MYO9A: variants seen among roughly 807,000 people sequenced by gnomAD.
MYO9A encodes the protein unconventional myosin-IXa.
A neutral mutation model predicts 293.3 loss-of-function variants in MYO9A; 103 were observed. The observed-to-expected ratio is 0.35, with a 90% confidence interval of 0.30 to 0.41. The LOEUF (loss-of-function observed/expected upper bound fraction) is 0.41, where lower values mean the gene tolerates loss of function less well. Among genes scored for constraint, MYO9A ranks in the 10% least tolerant of loss-of-function variants. MYO9A has a pLI of 1.00. For synonymous variants in MYO9A, 1,001 were observed against 1,035.7 expected (o/e 0.97, Z 0.64); for missense variants, 2,685 against 3,033.0 (o/e 0.89, Z 2.69).
At position 72,005,682 on chromosome 15, in the gene MYO9A, C is replaced by A. The variant is rs186183815; in HGVS notation, c.1380+2144G>T. ...TCCACTGAAGTTAATAAGCAATGCC[C>A]AATCACGTACAGAAAAAATAAACGC... On this transcript the variant is annotated intron_variant, in intron 8 of 41. Coordinates refer to ENST00000356056, the MANE Select transcript of MYO9A (RefSeq NM_006901.4). Among the ~76,000 whole-genome samples, 1,101 of 152,194 alleles carry A rather than the reference C, an allele frequency of 7.2e-3. 14 individuals carry two copies. Among genetic ancestry groups the A allele is most frequent in the Admixed American group, 9.3e-3 (142 of 15,280 alleles).
chr15:72,098,035 T>A (rs888754764), intron 1 of MYO9A, among the ~76,000 whole-genome samples: 2 of 151,940 alleles, frequency 1.3e-5, no homozygotes, highest in African/African-American at 4.8e-5. Context: ...AAAAGATGAG[T>A]GGGCATAACA....
intron 30 of MYO9A, among the ~76,000 whole-genome samples, chr15:71,879,015 A>G (rs537634769): frequency 6.0e-4 from 91 of 152,244 alleles, no homozygotes; most frequent in South Asian, 1.5e-3. Flanking sequence ...TCAGCCACCC[A>G]AAGTGCTGGG....
chr15:72,109,749 T>G (rs913078726), intron 1 of MYO9A, among the ~76,000 whole-genome samples: 1 of 151,342 alleles, frequency 6.6e-6, no homozygotes, highest in Non-Finnish European at 1.5e-5. Context: ...ATTAGCTGAG[T>G]GTGGTGGCAC....
intron 1 of MYO9A, among the ~76,000 whole-genome samples, chr15:72,069,582 T>C (rs1474355534): frequency 6.6e-6 from 1 of 152,112 alleles, no homozygotes; most frequent in African/African-American, 2.4e-5. Flanking sequence ...AATTAAATAA[T>C]TTGTGACAAA....
chr15:72,073,599 G>A (rs1451562093), intron 1 of MYO9A, among the ~76,000 whole-genome samples: 1 of 152,112 alleles, frequency 6.6e-6, no homozygotes. Flanking sequence ...GTTTAACAAT[G>A]GTTCAACATG....
intron 32 of MYO9A, among the ~76,000 whole-genome samples, chr15:71,872,672 A>G (rs1463802343): frequency 2.6e-5 from 4 of 152,158 alleles, no homozygotes; most frequent in East Asian, 1.9e-4. Flanking sequence ...ACAAAGCAAA[A>G]TAAGTCTTTT....
chr15:71,826,640 G>T lies in MYO9A; in HGVS notation c.7587C>A (p.Asp2529Glu). The T allele has an allele frequency of 6.2e-7, 1 of 1,612,988 alleles. No homozygotes were observed. The highest frequency in any genetic ancestry group is 8.5e-7 in the Non-Finnish European group (1 of 1,179,778). ...GCTGTTGGTTGGAGGTGCAGTCTGG[G>T]TCCACAGTTTTTCTGCGGCCAGACA... The part of the protein sequence containing the change: ...TVMSGRRKTV[D>E]PDCTSNQQLA... The change falls in exon 42 of 42, where the codon GAC becomes GAA. Residue 2529 changes from aspartate (D) to glutamate (E), a missense_variant. Around this residue, in one of 10 missense-constraint regions of MYO9A, gnomAD observed 350 missense variants for 328.9 expected, o/e 1.06. Transcript: ENST00000356056.
chr15:72,020,552 G>A (rs1177923237), intron 5 of MYO9A, among the ~76,000 whole-genome samples: 1 of 152,142 alleles, frequency 6.6e-6, no homozygotes, highest in Non-Finnish European at 1.5e-5. Flanking sequence ...GTAATCCCTT[G>A]CAAAGGACAA....
intron 1 of MYO9A, among the ~76,000 whole-genome samples, chr15:72,072,713 G>A (rs1363150200): frequency 3.3e-5 from 5 of 152,070 alleles, no homozygotes; most frequent in African/African-American, 9.7e-5. Flanking sequence ...GGGTATAGAT[G>A]GACATAAGGA....
chr15:71,840,557 C>T (rs935669685), intron 39 of MYO9A, among the ~76,000 whole-genome samples: 3 of 152,194 alleles, frequency 2.0e-5, no homozygotes, highest in Non-Finnish European at 2.9e-5. Flanking sequence ...AGAACTGACA[C>T]CATTACAAAA....
chr15:72,041,364 T>C lies in MYO9A; in HGVS notation c.840+4360A>G, dbSNP rs878913529. On this transcript the variant is annotated intron_variant, in intron 2 of 41. Transcript: ENST00000356056. ...TTCTGTCGGCAGGGAAAGGCAACTA[T>C]CTTGAATGCATATCAGTTGATAATC... 23 of 525,270 alleles carry C rather than the reference T, an allele frequency of 4.4e-5. 1 individual carries two copies. Among genetic ancestry groups the C allele is most frequent in the Non-Finnish European group, 7.5e-5 (20 of 265,434 alleles). The allele number at this position is 525,270 out of a possible 1,614,324, so 32.5% of individuals were successfully genotyped here.
chr15:71,912,635 C>CCAA (rs2057893397), intron 19 of MYO9A, among the ~76,000 whole-genome samples: 1 of 152,176 alleles, frequency 6.6e-6, no homozygotes, highest in Non-Finnish European at 1.5e-5. Context: ...TTCAAACTTC[C>CCAA]ATGTGGTTTT....
At chr15:72,075,027 C>T (rs1455743723) in intron 1 of MYO9A, among the ~76,000 whole-genome samples, 9 of 131,992 alleles carry the variant, frequency 6.8e-5, no homozygotes, top group Admixed American at 2.8e-4. Flanking sequence ...TGCAATGGCA[C>T]GATCTCAGCT....
intron 11 of MYO9A, among the ~76,000 whole-genome samples, chr15:71,987,048 T>A: frequency 6.6e-6 from 1 of 152,180 alleles, no homozygotes. Context: ...TATGTTTAGA[T>A]ACATTTAGAT....
intron 2 of MYO9A, among the ~76,000 whole-genome samples, chr15:72,041,877 TAAA>T (rs757220384): frequency 7.3e-6 from 1 of 136,394 alleles, no homozygotes. Flanking sequence ...CAAAGCTTAC[TAAA>T]AAAAAAAAAA....
At chr15:72,013,115 A>G (rs2077222889) in intron 6 of MYO9A, among the ~76,000 whole-genome samples, 1 of 152,226 alleles carries the variant, frequency 6.6e-6, no homozygotes, top group Admixed American at 6.5e-5. Flanking sequence ...CAAGAGTCAA[A>G]TACAAGTCAC....
In MYO9A at chr15:71,906,857, G is replaced by A. The variant is rs140264361; in HGVS notation, c.2686-1851C>T. ...CGGCCTACTGCAAGCTCTGCCTCCC[G>A]GGTTCACGCCATTCTCCTGCCTCAG... On this transcript the variant is annotated intron_variant, in intron 19 of 41. Transcript: ENST00000356056. 1.8e-4 allele frequency among the ~76,000 whole-genome samples: 26 copies of A among 143,630 alleles called. 1 individual carries two copies. In the South Asian group the frequency reaches 5.5e-3, roughly 30 times the overall value. 94.2% of individuals were successfully genotyped at this position (143,630 alleles called of 152,430 possible).
intron 6 of MYO9A, among the ~76,000 whole-genome samples, chr15:72,010,881 A>T (rs191394223): frequency 1.5e-3 from 233 of 152,368 alleles, no homozygotes; most frequent in South Asian, 0.014. Context: ...AAGGCACTGA[A>T]CTAGATATTA....
chr15:71,940,324 A>G (rs2146089893), intron 15 of MYO9A, among the ~76,000 whole-genome samples: 1 of 152,142 alleles, frequency 6.6e-6, no homozygotes, highest in African/African-American at 2.4e-5. Context: ...CTGAAACCCC[A>G]CCTCTATAAA....
Sources: allele counts gnomAD v4.1 joint callset (sites outside exome capture counted in the v4.1 genomes callset), GRCh38; gene constraint gnomAD v4.1.1; regional missense constraint gnomAD v4.1.1; transcripts MANE v1.5; gene names NCBI Gene and HGNC (gene_info 2026-07-23, HGNC 2026-07-21).